FHIT: variants seen among roughly 807,000 people sequenced by gnomAD.
FHIT encodes bis(5'-adenosyl)-triphosphatase.
FHIT carries 19 observed loss-of-function variants against 17.9 expected under a neutral mutation model. That is an observed-to-expected ratio of 1.06 (90% CI 0.74 to 1.56). FHIT has a LOEUF of 1.56. Among genes scored for constraint, FHIT ranks in the 40% most tolerant of loss-of-function variants. The probability of loss-of-function intolerance (pLI) is 0.00; values close to 1 mark genes in which losing one functional copy is unlikely to be tolerated. For synonymous variants in FHIT, 81 were observed against 69.7 expected (o/e 1.16, Z -0.81); for missense variants, 248 against 189.2 (o/e 1.31, Z -1.82).
chr3:60,560,124 A>T (rs2036884474), intron 4 of FHIT, among the ~76,000 whole-genome samples: 1 of 152,170 alleles, frequency 6.6e-6, no homozygotes. Flanking sequence ...AAGACAGTAC[A>T]CAGACAATTG....
chr3:60,320,259 T>C (rs1048909639), intron 5 of FHIT, among the ~76,000 whole-genome samples: 8 of 152,190 alleles, frequency 5.3e-5, no homozygotes, highest in Non-Finnish European at 5.9e-5. Flanking sequence ...GACAAAAGCA[T>C]ACTCTCTGAA....
intron 3 of FHIT, among the ~76,000 whole-genome samples, chr3:60,874,304 G>T (rs1226512401): frequency 1.3e-5 from 2 of 152,136 alleles, no homozygotes; most frequent in African/African-American, 4.8e-5. Context: ...ACTCCTCAAA[G>T]AAAACAGTTC....
chr3:60,258,271 C>G (rs1421854403), intron 5 of FHIT, among the ~76,000 whole-genome samples: 1 of 152,102 alleles, frequency 6.6e-6, no homozygotes, highest in Non-Finnish European at 1.5e-5. Context: ...TTACCTGAGC[C>G]CTGTGCTCCC....
At chr3:61,105,389 G>C (rs540785125) in intron 2 of FHIT, among the ~76,000 whole-genome samples, 206 of 152,024 alleles carry the variant, frequency 1.4e-3, no homozygotes, top group Middle Eastern at 3.4e-3. Context: ...TGGGGTACTT[G>C]TATTGTTTTA....
At chr3:60,130,095 C>A (rs1699472315) in intron 5 of FHIT, among the ~76,000 whole-genome samples, 1 of 152,078 alleles carries the variant, frequency 6.6e-6, no homozygotes, top group Admixed American at 6.6e-5. Flanking sequence ...TTCCTCTTTC[C>A]CATGGAATCA....
chr3:60,051,408 T>G (rs1217190524), intron 5 of FHIT, among the ~76,000 whole-genome samples: 1 of 144,488 alleles, frequency 6.9e-6, no homozygotes, highest in Non-Finnish European at 1.5e-5. Context: ...CCAAATAAGG[T>G]GAACACCTAG....
At chr3:60,492,580 C>G (rs2034112898) in intron 5 of FHIT, among the ~76,000 whole-genome samples, 1 of 145,850 alleles carries the variant, frequency 6.9e-6, no homozygotes, top group Non-Finnish European at 1.5e-5. Context: ...GATCTCGGCT[C>G]ACTGCAACCG....
At chr3:60,025,945 G>A (rs937702247) in intron 5 of FHIT, among the ~76,000 whole-genome samples, 3 of 152,074 alleles carry the variant, frequency 2.0e-5, no homozygotes, top group Non-Finnish European at 4.4e-5. Flanking sequence ...TGTCAAGAAA[G>A]CAAACTTTTT....
chr3:60,009,274 G>C (rs551006707), intron 7 of FHIT, among the ~76,000 whole-genome samples: 9 of 144,276 alleles, frequency 6.2e-5, no homozygotes, highest in African/African-American at 2.3e-4. Context: ...AACGAGTCAA[G>C]ATATCCCCAT....
At chr3:59,935,662 GATGGATGGGTGA>G (rs1162279604) in intron 7 of FHIT, among the ~76,000 whole-genome samples, 2 of 151,924 alleles carry the variant, frequency 1.3e-5, no homozygotes, top group East Asian at 1.9e-4. Flanking sequence ...GTGGATGGGT[GATGGATGGGTGA>G]ATGGATGGGT....
intron 2 of FHIT, among the ~76,000 whole-genome samples, chr3:61,108,955 T>G (rs949668893): frequency 1.3e-5 from 2 of 152,206 alleles, no homozygotes; most frequent in African/African-American, 4.8e-5. Flanking sequence ...AAAGTTAGCC[T>G]AAAAGACTAA....
chr3:59,934,813 G>T (rs1706151368), intron 7 of FHIT, among the ~76,000 whole-genome samples: 2 of 152,088 alleles, frequency 1.3e-5, no homozygotes, highest in African/African-American at 4.8e-5. Flanking sequence ...AGTATCATGA[G>T]AACACGATGG....
chr3:59,862,835 A>G (rs116598878), intron 8 of FHIT, among the ~76,000 whole-genome samples: 2,339 of 152,200 alleles, frequency 0.015, 75 homozygotes, highest in African/African-American at 0.054. Context: ...TTATTCCTCC[A>G]CAAGAGCAAA....
rs910199051 is a variant in FHIT, at chr3:60,801,540, G to C, written c.-18+20379C>G. On this transcript the variant is annotated intron_variant, in intron 4 of 9. Transcript: ENST00000492590. The stretch of plus-strand genomic sequence containing the variant: ...TAGTTGGCCTTCACATTGGCTCCTG[G>C]CCTTCTCATTGGCTCATCTTAGGTG... Among the ~76,000 whole-genome samples the C allele has an allele frequency of 2.6e-5, 4 of 152,316 alleles. No individual in the cohort carries two copies. The East Asian group carries it at 7.7e-4, about 29-fold the overall frequency.
chr3:60,820,963 T>C (rs1553739158), intron 4 of FHIT, among the ~76,000 whole-genome samples: 3 of 89,288 alleles, frequency 3.4e-5, no homozygotes. Flanking sequence ...TCCTACTTTC[T>C]TGCTATTATT....
intron 5 of FHIT, among the ~76,000 whole-genome samples, chr3:60,133,161 G>T (rs944816560): frequency 6.6e-6 from 1 of 152,088 alleles, no homozygotes; most frequent in African/African-American, 2.4e-5. Context: ...CCTTAGGCTG[G>T]ACAGTGAAGA....
intron 7 of FHIT, among the ~76,000 whole-genome samples, chr3:60,004,421 C>T (rs996534412): frequency 6.6e-6 from 1 of 152,088 alleles, no homozygotes; most frequent in Middle Eastern, 3.2e-3. Flanking sequence ...ACACTAAAAG[C>T]ATATAATTCT....
At chr3:60,534,807 T>C (rs370141613) in intron 5 of FHIT, among the ~76,000 whole-genome samples, 88 of 152,310 alleles carry the variant, frequency 5.8e-4, no homozygotes, top group African/African-American at 2.1e-3. Context: ...CAGTGCCATC[T>C]ACAAAGAAAC....
Position 59,752,120 on chromosome 3 carries a change from G to A in FHIT, c.*5+101C>T. 4 of 767,994 alleles carry A rather than the reference G, an allele frequency of 5.2e-6. No homozygotes were observed. The South Asian group carries it at 7.1e-5, about 14-fold the overall frequency. 47.6% of individuals were successfully genotyped at this position (767,994 alleles called of 1,614,324 possible). On this transcript the variant is annotated intron_variant, in intron 9 of 9. Coordinates refer to ENST00000492590, the MANE Select transcript of FHIT (RefSeq NM_002012.4). ...TTGTCCTTTGCAGCCACCACCCAAG[G>A]ATGCTGGTGAAGGTGTTTTTGTGCA... is the stretch of plus-strand genomic sequence containing the variant.
Sources: allele counts gnomAD v4.1 joint callset (sites outside exome capture counted in the v4.1 genomes callset), GRCh38; gene constraint gnomAD v4.1.1; transcripts MANE v1.5; gene names NCBI Gene and HGNC (gene_info 2026-07-23, HGNC 2026-07-21).